BACE2: variants seen among roughly 807,000 people sequenced by gnomAD.
The protein encoded by BACE2 is 56 kDa aspartic-like protease.
BACE2 carries 17 observed loss-of-function variants against 46.2 expected under a neutral mutation model. The observed-to-expected ratio is 0.37, with a 90% CI of 0.25 to 0.55. The LOEUF is 0.55. Ranked by LOEUF, BACE2 falls within the 20% of genes least tolerant of loss-of-function variation. The pLI, the probability that BACE2 is intolerant of heterozygous loss-of-function variation, is 0.82. For synonymous variants in BACE2, 277 were observed against 295.9 expected, an observed-to-expected ratio of 0.94 and a Z score of 0.66; for missense variants, 595 against 698.1, an observed-to-expected ratio of 0.85 and a Z score of 1.66.
rs1330789667 is a variant in BACE2 at position 41,281,276 on chromosome 21, T to G, written c.*5652T>G. 1 of 152,224 alleles carries G rather than the reference T, an allele frequency of 6.6e-6. No homozygotes were observed. The highest frequency in any genetic ancestry group is 1.5e-5 in the Non-Finnish European group (1 of 68,034). 9.4% of individuals were successfully genotyped at this position (152,224 alleles called of 1,614,324 possible). On this transcript the variant is annotated 3_prime_UTR_variant, in exon 9 of 9. Coordinates refer to ENST00000330333, the MANE Select transcript of BACE2 (RefSeq NM_012105.5). ...ATTTTTTCCAATGTAGATTTATAAT[T>G]AGAAATGACAGATTTATAATATAGA...
intron 1 of BACE2, among the ~76,000 whole-genome samples, chr21:41,222,176 T>C (rs1265426965): frequency 6.6e-6 from 1 of 152,066 alleles, no homozygotes; most frequent in South Asian, 2.1e-4. Context: ...CAGAGCTCTG[T>C]TATGAGGTTG....
rs771875098 is a variant in BACE2 at position 41,193,103 on chromosome 21, A to T, written c.312+24528A>T. ...CAGCATAATGTCATCAAACTAATGG[A>T]CCAGTGTGATATCTCGTGGAAACGA... is the stretch of plus-strand genomic sequence containing the variant. On this transcript the variant is annotated intron_variant, in intron 1 of 8. Coordinates refer to ENST00000330333, the MANE Select transcript of BACE2 (RefSeq NM_012105.5). The surrounding 1 kb of genome is among the most constrained non-coding windows in gnomAD (Gnocchi z 4.2). Among the ~76,000 whole-genome samples the T allele has an allele frequency of 2.0e-5, 3 of 152,166 alleles. No homozygotes were observed. Among genetic ancestry groups the T allele is most frequent in the Non-Finnish European group, 4.4e-5 (3 of 68,032 alleles).
chr21:41,265,214 G>A (rs1312209458), intron 8 of BACE2, among the ~76,000 whole-genome samples: 1 of 146,988 alleles, frequency 6.8e-6, no homozygotes, highest in East Asian at 2.0e-4. Flanking sequence ...TTATATGGGT[G>A]CACCTAATTT....
chr21:41,242,174 C>T (rs1987313580), intron 4 of BACE2, among the ~76,000 whole-genome samples: 1 of 150,260 alleles, frequency 6.7e-6, no homozygotes, highest in Non-Finnish European at 1.5e-5. Flanking sequence ...CTCCGAATTC[C>T]ATTAAAACTT....
chr21:41,275,657 T>C lies in BACE2; in HGVS notation c.*33T>C, dbSNP rs1188156872. ...GGCCTGACCTCAAGCAACCATGAAC[T>C]CAGCTATTAAGAAAATCACATTTCC... On this transcript the variant is annotated 3_prime_UTR_variant, in exon 9 of 9. Coordinates refer to ENST00000330333, the MANE Select transcript of BACE2 (RefSeq NM_012105.5). The C allele has an allele frequency of 6.2e-7, 1 of 1,604,462 alleles. No homozygotes were observed. Among genetic ancestry groups the C allele is most frequent in the South Asian group, 1.1e-5 (1 of 90,910 alleles).
chr21:41,275,332 C>T, intron 8 of BACE2, 39 bp from the exon 9 acceptor site: 1 of 1,612,294 alleles, frequency 6.2e-7, no homozygotes, highest in Non-Finnish European at 8.5e-7. Context: ...GTGGACCGCT[C>T]ATTTCACAGC....
chr21:41,244,882 AGT>A (rs891701959), intron 5 of BACE2, among the ~76,000 whole-genome samples: 1 of 122,112 alleles, frequency 8.2e-6, no homozygotes, highest in Non-Finnish European at 1.8e-5. Flanking sequence ...TGTGTGTGTG[AGT>A]GTGTGTGTAT....
intron 1 of BACE2, among the ~76,000 whole-genome samples, chr21:41,171,621 G>A (rs967173933): frequency 2.6e-5 from 4 of 152,114 alleles, no homozygotes; most frequent in Admixed American, 6.5e-5. Context: ...GTGCAATTTG[G>A]TCTTATTAAT....
At chr21:41,242,938 G>A (rs879455502) in intron 4 of BACE2, among the ~76,000 whole-genome samples, 1 of 151,540 alleles carries the variant, frequency 6.6e-6, no homozygotes, top group South Asian at 2.1e-4. Flanking sequence ...TTTTTTAGAT[G>A]GAGTCTCGCT....
chr21:41,249,519 G>T (rs190987395), intron 6 of BACE2, among the ~76,000 whole-genome samples: 1 of 152,110 alleles, frequency 6.6e-6, no homozygotes, highest in Non-Finnish European at 1.5e-5. Flanking sequence ...GGCACCCCTC[G>T]TTCCCTCCCC....
intron 1 of BACE2, among the ~76,000 whole-genome samples, chr21:41,206,616 G>C (rs1023893139): frequency 1.3e-5 from 2 of 152,212 alleles, no homozygotes; most frequent in Non-Finnish European, 2.9e-5. Flanking sequence ...AAACATTAAG[G>C]GTGGTGTCCG....
At chr21:41,233,492 G>A (rs539925471) in intron 2 of BACE2, among the ~76,000 whole-genome samples, 9 of 152,304 alleles carry the variant, frequency 5.9e-5, no homozygotes, top group South Asian at 2.1e-4. Context: ...CCCTCTGTAA[G>A]GAGACCAGCA....
intron 1 of BACE2, among the ~76,000 whole-genome samples, chr21:41,173,512 C>G (rs146387433): frequency 6.6e-6 from 1 of 152,104 alleles, no homozygotes; most frequent in African/African-American, 2.4e-5. Context: ...GAGGCTGAGG[C>G]GGGCGGGTCA....
chr21:41,182,907 C>T (rs1056666802), intron 1 of BACE2: 1 of 166,672 alleles, frequency 6.0e-6, no homozygotes, highest in South Asian at 2.1e-4. Context: ...ATATTCTTTA[C>T]ATCTCTCTTT....
intron 3 of BACE2, among the ~76,000 whole-genome samples, chr21:41,239,985 C>A (rs1236211097): frequency 6.6e-6 from 1 of 152,266 alleles, no homozygotes; most frequent in East Asian, 1.9e-4. Context: ...TGAGAACAGA[C>A]CCCTTCGGGG....
At chr21:41,242,372 C>T (rs1987327274) in intron 4 of BACE2, among the ~76,000 whole-genome samples, 2 of 152,148 alleles carry the variant, frequency 1.3e-5, no homozygotes, top group Non-Finnish European at 2.9e-5. Flanking sequence ...CACACAGGCA[C>T]ACACGCACCA....
At chr21:41,245,909 G>C (rs1055608425) in intron 5 of BACE2, 53 bp from the exon 6 acceptor site, 5 of 1,427,122 alleles carry the variant, frequency 3.5e-6, no homozygotes, top group East Asian at 5.0e-5. Flanking sequence ...GCCACGTGGG[G>C]CGGGGAGCGC....
intron 1 of BACE2, among the ~76,000 whole-genome samples, chr21:41,190,530 G>A (rs968367976): frequency 2.0e-5 from 3 of 152,196 alleles, no homozygotes; most frequent in Non-Finnish European, 4.4e-5. Context: ...TCTGCAGCTG[G>A]TCACGTGGTT....
Position 41,281,085 on chromosome 21 carries a change from A to C in BACE2, c.*5461A>C, listed in dbSNP as rs2088542978. 1.3e-5 allele frequency: 2 copies of C among 152,164 alleles called. No individual in the cohort carries two copies. Among genetic ancestry groups the C allele is most frequent in the South Asian group, 4.1e-4 (2 of 4,832 alleles). 9.4% of individuals were successfully genotyped at this position (152,164 alleles called of 1,614,324 possible). On this transcript the variant is annotated 3_prime_UTR_variant, in exon 9 of 9. Transcript: ENST00000330333. Reference sequence around the variant, plus strand: ...TGGTGTCTCTGCCAGCATCTTGGGGAACGCTGTGATGGTAAAATATCTGTC... The same window carrying C: ...TGGTGTCTCTGCCAGCATCTTGGGGCACGCTGTGATGGTAAAATATCTGTC...
Sources: gnomAD v4.1 joint callset for allele counts (sites outside exome capture counted in the v4.1 genomes callset) on GRCh38, gnomAD v4.1.1 for gene constraint, Gnocchi (gnomAD v3.1) non-coding constraint, MANE v1.5 for transcripts, NCBI Gene and HGNC (gene_info 2026-07-23, HGNC 2026-07-21) for gene names.